Variants in ANKS6 observed in about 807,000 individuals in gnomAD.
ANKS6 encodes ankyrin repeat and sterile alpha motif domain containing 6, also known as ankyrin repeat and SAM domain-containing protein 6.
In ANKS6, 47 loss-of-function variants were observed where a neutral mutation model predicts 77.9. The ratio of observed to expected loss-of-function variants is 0.60; its 90% CI spans 0.48 to 0.77. The LOEUF (loss-of-function observed/expected upper bound fraction) is 0.77. Ranked by LOEUF, ANKS6 falls within the 30% of genes least tolerant of loss-of-function variation. The pLI is 0.00. For synonymous variants in ANKS6, 488 were observed against 501.7 expected, an observed-to-expected ratio of 0.97 and a Z score of 0.37; for missense variants, 1,150 against 1,159.1, an observed-to-expected ratio of 0.99 and a Z score of 0.11.
intron 11 of ANKS6, among the ~76,000 whole-genome samples, chr9:98,767,677 C>A (rs1052945430): frequency 1.3e-5 from 2 of 152,236 alleles, no homozygotes; most frequent in African/African-American, 4.8e-5. Context: ...CGGACATGAG[C>A]TTATCCTGTG....
chr9:98,735,496 T>G lies in ANKS6; in HGVS notation c.*1023A>C. ...GAAACTACACAAGCCAATTCCCTTT[T>G]GAGGAACACAGCATTAATAGGATGT... On this transcript the variant is annotated 3_prime_UTR_variant, in exon 15 of 15. Coordinates refer to ENST00000353234, the MANE Select transcript of ANKS6 (RefSeq NM_173551.5). 8.1e-7 allele frequency: 1 copy of G among 1,227,692 alleles called. No individual in the cohort carries two copies. The highest frequency in any genetic ancestry group is 1.0e-6 in the Non-Finnish European group (1 of 986,052). The allele number at this position is 1,227,692 out of a possible 1,614,324, so 76.0% of individuals were successfully genotyped here.
At chr9:98,784,545 A>C in intron 3 of ANKS6, 1 of 436,330 alleles carries the variant, frequency 2.3e-6, no homozygotes. Flanking sequence ...TCTTTGTCAC[A>C]AAGAGACTGG....
chr9:98,758,881 A>T (rs1386039688), intron 11 of ANKS6, among the ~76,000 whole-genome samples: 1 of 152,226 alleles, frequency 6.6e-6, no homozygotes, highest in Non-Finnish European at 1.5e-5. Flanking sequence ...TAAGAAAAAA[A>T]ATATCAACTA....
At chr9:98,748,909 GATAACT>G (rs1297386574) in intron 13 of ANKS6, among the ~76,000 whole-genome samples, 9 of 152,110 alleles carry the variant, frequency 5.9e-5, no homozygotes, top group Admixed American at 5.9e-4. Context: ...TATTCTCACT[GATAACT>G]ATAAGTGCAT....
intron 11 of ANKS6, among the ~76,000 whole-genome samples, chr9:98,760,554 A>C (rs766123048): frequency 6.6e-6 from 1 of 152,228 alleles, no homozygotes; most frequent in African/African-American, 2.4e-5. Flanking sequence ...GTATGACAGG[A>C]AACTGGATGA....
chr9:98,774,076 C>G lies in ANKS6; in HGVS notation c.1622G>C (p.Arg541Pro). Residue 541 changes from arginine to proline, a missense_variant, in exon 9 of 15, where the codon CGA becomes CCA. Physicochemically the swap from Arg to Pro is moderately radical, Grantham distance 103 (BLOSUM62 -2). Coordinates refer to ENST00000353234, the MANE Select transcript of ANKS6 (RefSeq NM_173551.5). ...KEDTLLTTML[R>P]NGAPLTRLPS... is the part of the protein sequence containing the mutation. Reference sequence around the variant, plus strand: ...GAGTCTGGTGAGGGGAGCTCCGTTTCGAAGCTGAAAAAGACAGGCTGAGGG... The same window carrying G: ...GAGTCTGGTGAGGGGAGCTCCGTTTGGAAGCTGAAAAAGACAGGCTGAGGG... 6.8e-7 allele frequency: 1 copy of G among 1,472,074 alleles called. No homozygotes were observed. The highest frequency in any genetic ancestry group is 9.0e-7 in the Non-Finnish European group (1 of 1,105,228). 91.2% of individuals were successfully genotyped at this position (1,472,074 alleles called of 1,614,324 possible). A position where few individuals can be genotyped will look rare whatever the true frequency, so the allele number is the denominator to read the frequency against.
chr9:98,790,660 G>C (rs1388009681), intron 1 of ANKS6, 54 bp from the exon 2 acceptor site: 1 of 1,557,426 alleles, frequency 6.4e-7, no homozygotes, highest in African/African-American at 1.4e-5. Flanking sequence ...TCGGGGGCCA[G>C]CTTATGTCAT....
intron 1 of ANKS6, among the ~76,000 whole-genome samples, chr9:98,794,468 T>C (rs1048030566): frequency 1.3e-5 from 2 of 152,208 alleles, no homozygotes; most frequent in Non-Finnish European, 2.9e-5. Context: ...CTTCCATATA[T>C]ACTACTCCTC....
intron 11 of ANKS6, among the ~76,000 whole-genome samples, chr9:98,765,111 T>C (rs1198218329): frequency 6.6e-6 from 1 of 152,196 alleles, no homozygotes; most frequent in African/African-American, 2.4e-5. Flanking sequence ...ATACTACTAA[T>C]AAATTCTCTC....
At chr9:98,755,377 A>G (rs575593503) in intron 12 of ANKS6, among the ~76,000 whole-genome samples, 6 of 152,178 alleles carry the variant, frequency 3.9e-5, no homozygotes, top group Non-Finnish European at 7.4e-5. Context: ...TCTTTCCCCC[A>G]TCCCAGCTCC....
At chr9:98,756,270 A>G (rs1832693400) in intron 12 of ANKS6, 150 bp downstream of exon 12, 3 of 846,712 alleles carry the variant, frequency 3.5e-6, no homozygotes, top group African/African-American at 1.8e-5. Flanking sequence ...ACAAGGTACA[A>G]TCAGAGAAGA....
chr9:98,745,157 CCT>C (rs1564177258), intron 14 of ANKS6, among the ~76,000 whole-genome samples: 1 of 152,132 alleles, frequency 6.6e-6, no homozygotes, highest in African/African-American at 2.4e-5. Flanking sequence ...GCATTTTAGT[CCT>C]TGACACACCA....
intron 5 of ANKS6, among the ~76,000 whole-genome samples, chr9:98,782,081 G>A (rs539092446): frequency 5.9e-5 from 9 of 152,164 alleles, no homozygotes; most frequent in Non-Finnish European, 8.8e-5. Context: ...GAAGGCCATC[G>A]CTCTATCTCC....
chr9:98,750,318 T>C (rs1346863465), intron 13 of ANKS6, among the ~76,000 whole-genome samples: 13 of 152,232 alleles, frequency 8.5e-5, no homozygotes. Flanking sequence ...TAGCAAGATG[T>C]GTTCAGGTTC....
rs1272839936 is a variant in ANKS6, at chr9:98,733,322, T to C, written c.*3197A>G. ...CAGCAGGGACTTGGACATCCAGCACTCACGACACACCAGCAAGACACTGCC... is the reference window on the plus strand; with the variant it reads ...CAGCAGGGACTTGGACATCCAGCACCCACGACACACCAGCAAGACACTGCC... On this transcript the variant is annotated 3_prime_UTR_variant, in exon 15 of 15. Transcript: ENST00000353234. 1.0e-6 allele frequency: 1 copy of C among 985,294 alleles called. No individual in the cohort carries two copies. The highest frequency in any genetic ancestry group is 1.7e-5 in the African/African-American group (1 of 57,200). The allele number at this position is 985,294 out of a possible 1,614,324, so 61.0% of individuals were successfully genotyped here.
chr9:98,756,780 A>G (rs949026891), intron 11 of ANKS6, among the ~76,000 whole-genome samples, 177 bp from the exon 12 acceptor site: 3 of 152,186 alleles, frequency 2.0e-5, no homozygotes, highest in African/African-American at 7.2e-5. Flanking sequence ...CAGAACAATT[A>G]GAGGAAAATG....
Position 98,776,587 on chromosome 9 carries a change from G to C in ANKS6, c.1617+818C>G, listed in dbSNP as rs369512120. ...AGCTAATTTTTGTATTTTTAGTAGA[G>C]ATGAGGTTTCACCATGTTGGCCAGG... On this transcript the variant is annotated intron_variant, in intron 8 of 14. Transcript: ENST00000353234. Among the ~76,000 whole-genome samples, 9 of 152,192 alleles carry C rather than the reference G, an allele frequency of 5.9e-5. 1 individual carries two copies. The highest frequency in any genetic ancestry group is 2.2e-4 in the African/African-American group (9 of 41,532).
chr9:98,756,983 G>C (rs1832745424), intron 11 of ANKS6, among the ~76,000 whole-genome samples: 1 of 152,096 alleles, frequency 6.6e-6, no homozygotes, highest in Admixed American at 6.5e-5. Context: ...CTGGCTTAGG[G>C]AGGCACAAAG....
At chr9:98,769,449 A>G (rs766034635) in intron 10 of ANKS6, among the ~76,000 whole-genome samples, 8 of 152,258 alleles carry the variant, frequency 5.3e-5, no homozygotes, top group Non-Finnish European at 1.0e-4. Flanking sequence ...GCAAAAATCT[A>G]GGAACAGCCT....
Sources: gnomAD v4.1 joint callset for allele counts (sites outside exome capture counted in the v4.1 genomes callset) on GRCh38, gnomAD v4.1.1 for gene constraint, MANE v1.5 for transcripts, NCBI Gene and HGNC (gene_info 2026-07-23, HGNC 2026-07-21) for gene names.